Variants in NRXN1 observed in about 807,000 individuals in gnomAD.
NRXN1 encodes the protein neurexin 1, also known as neurexin-1.
A neutral mutation model predicts 150.9 loss-of-function variants in NRXN1; 39 were observed. The observed-to-expected ratio is 0.26, with a 90% CI of 0.20 to 0.34. NRXN1 has a LOEUF of 0.34. NRXN1 is among the 10% of genes least tolerant of loss of function. The probability of loss-of-function intolerance (pLI) is 1.00; values close to 1 mark genes in which losing one functional copy is unlikely to be tolerated. For missense variants in NRXN1, 1,815 were observed against 1,949.9 expected (o/e 0.93, Z 1.30); for synonymous variants, 924 against 757.0 (o/e 1.22, Z -3.62).
chr2:50,174,968 C>T (rs1328854950), intron 18 of NRXN1: 2 of 152,190 alleles, frequency 1.3e-5, no homozygotes, highest in African/African-American at 4.8e-5. Context: ...ATATTACCCA[C>T]ATGACCTCTC....
chr2:50,351,527 T>C (rs1025609594), intron 17 of NRXN1, among the ~76,000 whole-genome samples: 2 of 152,180 alleles, frequency 1.3e-5, no homozygotes, highest in Non-Finnish European at 2.9e-5. Context: ...AAATTATTAA[T>C]AGGCAAGATG....
At chr2:50,169,353 T>C (rs1006325624) in intron 18 of NRXN1, among the ~76,000 whole-genome samples, 3 of 152,154 alleles carry the variant, frequency 2.0e-5, no homozygotes, top group African/African-American at 7.2e-5. Context: ...TGGAAAAAGA[T>C]AAATTCAGGG....
chr2:50,551,963 C>A (rs1258884038), intron 9 of NRXN1, among the ~76,000 whole-genome samples: 1 of 152,228 alleles, frequency 6.6e-6, no homozygotes, highest in South Asian at 2.1e-4. Flanking sequence ...ACTTTACCTG[C>A]CACCTTTACC....
intron 21 of NRXN1, among the ~76,000 whole-genome samples, chr2:50,045,506 G>A (rs1012561094): frequency 3.3e-5 from 5 of 151,900 alleles, no homozygotes; most frequent in African/African-American, 9.7e-5. Context: ...CACCATGCCC[G>A]GCTAATTTTT....
intron 17 of NRXN1, among the ~76,000 whole-genome samples, chr2:50,378,005 C>G (rs2080653352): frequency 6.6e-6 from 1 of 152,112 alleles, no homozygotes; most frequent in Non-Finnish European, 1.5e-5. Flanking sequence ...CTCTCTGACT[C>G]TAGGCATCTG....
chr2:50,602,721 C>CA (rs1024029618), intron 8 of NRXN1, among the ~76,000 whole-genome samples: 6 of 151,978 alleles, frequency 3.9e-5, no homozygotes, highest in East Asian at 1.9e-4. Flanking sequence ...TGTATTCTGG[C>CA]AAAAAAGGAA....
At chr2:50,730,660 C>T (rs1415432609) in intron 5 of NRXN1, among the ~76,000 whole-genome samples, 1 of 140,320 alleles carries the variant, frequency 7.1e-6, no homozygotes, top group Non-Finnish European at 1.5e-5. Context: ...CTTCCTTTAT[C>T]TTTCTTGTTT....
At chr2:49,962,305 A>C (rs17439001) in intron 21 of NRXN1, among the ~76,000 whole-genome samples, 6,235 of 152,278 alleles carry the variant, frequency 0.041, 188 homozygotes, top group Middle Eastern at 0.062. Flanking sequence ...TAATGCTTCA[A>C]TTGACTGTTA....
intron 5 of NRXN1, among the ~76,000 whole-genome samples, chr2:50,807,623 A>G (rs966739775): frequency 6.6e-6 from 1 of 152,118 alleles, no homozygotes; most frequent in African/African-American, 2.4e-5. Flanking sequence ...CAGAGAATCA[A>G]TTTGCAAAAG....
intron 18 of NRXN1, among the ~76,000 whole-genome samples, chr2:50,129,706 C>T (rs1205182123): frequency 6.6e-6 from 1 of 151,986 alleles, no homozygotes; most frequent in Non-Finnish European, 1.5e-5. Context: ...TTTATAGATG[C>T]CCAGCAAAAA....
chr2:50,382,524 A>G (rs1317096258), intron 17 of NRXN1, among the ~76,000 whole-genome samples: 1 of 152,182 alleles, frequency 6.6e-6, no homozygotes, highest in African/African-American at 2.4e-5. Flanking sequence ...AACAAAGAGG[A>G]AACCTTTCTC....
At chr2:50,350,472 A>C (rs1369194390) in intron 17 of NRXN1, among the ~76,000 whole-genome samples, 1 of 152,206 alleles carries the variant, frequency 6.6e-6, no homozygotes, top group African/African-American at 2.4e-5. Flanking sequence ...GTCTTGTTCA[A>C]CTTCAGCCAG....
At chr2:50,321,184 G>C (rs542738697) in intron 17 of NRXN1, among the ~76,000 whole-genome samples, 40 of 152,250 alleles carry the variant, frequency 2.6e-4, no homozygotes, top group African/African-American at 9.1e-4. Flanking sequence ...CAGAGAGATA[G>C]CACAGTATGC....
intron 18 of NRXN1, among the ~76,000 whole-genome samples, chr2:50,099,366 T>TG (rs1395216037): frequency 3.7e-5 from 1 of 27,000 alleles, no homozygotes; most frequent in Non-Finnish European, 8.2e-5. Flanking sequence ...ATCAATTTTC[T>TG]TTTTTTTAAT....
At chr2:50,464,669 G>C (rs2088623241) in intron 17 of NRXN1, among the ~76,000 whole-genome samples, 1 of 151,868 alleles carries the variant, frequency 6.6e-6, no homozygotes, top group Admixed American at 6.6e-5. Context: ...AGGTCAATTT[G>C]TCAGGAATAT....
At chr2:50,850,868 A>C (rs1448052225) in intron 5 of NRXN1, among the ~76,000 whole-genome samples, 2 of 152,194 alleles carry the variant, frequency 1.3e-5, no homozygotes, top group Non-Finnish European at 2.9e-5. Context: ...TTTCCTAGTC[A>C]GTACATCTTC....
chr2:50,314,025 C>T (rs183799997), intron 17 of NRXN1, among the ~76,000 whole-genome samples: 20 of 151,988 alleles, frequency 1.3e-4, no homozygotes, highest in Non-Finnish European at 2.6e-4. Flanking sequence ...CACACAATTG[C>T]TCATTCACTC....
At chr2:50,211,686 A>T (rs1559099483) in intron 18 of NRXN1, among the ~76,000 whole-genome samples, 1 of 151,546 alleles carries the variant, frequency 6.6e-6, no homozygotes, top group African/African-American at 2.4e-5. Context: ...ATGAAGGTTA[A>T]AGTTTAGAGA....
At chr2:50,388,288 A>T (rs12622261) in intron 17 of NRXN1, among the ~76,000 whole-genome samples, 77,246 of 152,008 alleles carry the variant, frequency 0.51, 20,388 homozygotes, top group East Asian at 0.81. Context: ...ATCAACCAAC[A>T]CAAACAATAA....
Sources: gnomAD v4.1 joint callset for allele counts (sites outside exome capture counted in the v4.1 genomes callset) on GRCh38, gnomAD v4.1.1 for gene constraint, MANE v1.5 for transcripts, NCBI Gene and HGNC (gene_info 2026-07-23, HGNC 2026-07-21) for gene names.